Variants in TYK2 observed in about 807,000 individuals in gnomAD.
TYK2 encodes non-receptor tyrosine-protein kinase TYK2.
TYK2 carries 65 observed loss-of-function variants against 130.9 expected under a neutral mutation model. That is an observed-to-expected ratio of 0.50 (90% CI 0.41 to 0.61). The LOEUF is 0.61. Among genes scored for constraint, TYK2 ranks in the 20% least tolerant of loss-of-function variants. The pLI is 0.00. For synonymous variants in TYK2, 647 were observed against 658.9 expected (o/e 0.98, Z 0.28); for missense variants, 1,378 against 1,610.7 (o/e 0.86, Z 2.47).
At position 10,365,538 on chromosome 19, in the gene TYK2, C is replaced by T. The variant is rs773108379; in HGVS notation, c.990G>A (p.Glu330=). 2.5e-6 allele frequency: 4 copies of T among 1,613,970 alleles called. No individual in the cohort carries two copies. In the African/African-American group the frequency reaches 5.3e-5, roughly 22 times the overall value. Residue 330 remains glutamate, a synonymous_variant, in exon 7 of 25, where the codon GAG becomes GAA. Coordinates refer to ENST00000525621, the MANE Select transcript of TYK2 (RefSeq NM_003331.5). ...GTGGIQWWPV[E]EEVNKEEGSS... ...TCACCTCCTCCTTGTTCACCTCCTC[C>T]TCTACTGGCCACCACTGGATGCCAC...
chr19:10,352,573 G>C, intron 22 of TYK2, 22 bp from the exon 23 acceptor site: 1 of 1,172,586 alleles, frequency 8.5e-7, no homozygotes, highest in Non-Finnish European at 1.2e-6. Flanking sequence ...GGGGCACTCA[G>C]GCCACGGGGG....
intron 14 of TYK2, among the ~76,000 whole-genome samples, chr19:10,360,801 G>A (rs1428344233): frequency 6.6e-6 from 1 of 152,008 alleles, no homozygotes; most frequent in African/African-American, 2.4e-5. Flanking sequence ...CGCCCAGGCT[G>A]GAGTGCAGTG....
Position 10,363,187 on chromosome 19 carries a change from CTTTTTTTTTT to C in TYK2, c.1368-540_1368-531del, listed in dbSNP as rs942594471. ...CACTGTGCCCGGCTACCTGATCTCT[CTTTTTTTTTT>C]TTTTTTTTTTGAGACAGGGTCTTGC... On this transcript the variant is annotated intron_variant, in intron 9 of 24. Transcript: ENST00000525621. Among the ~76,000 whole-genome samples, 35 of 127,690 alleles carry C rather than the reference CTTTTTTTTTT, an allele frequency of 2.7e-4. No individual in the cohort carries two copies. In the South Asian group the frequency reaches 6.8e-3, roughly 25 times the overall value. 83.8% of individuals were successfully genotyped at this position (127,690 alleles called of 152,430 possible).
Position 10,353,013 on chromosome 19 carries a change from T to C in TYK2, c.3113A>G (p.Lys1038Arg). The change falls in exon 22 of 25, where the codon AAG (lysine) becomes AGG (arginine). Residue 1038 changes from lysine to arginine, a missense_variant. By Grantham distance (26) the Lys-to-Arg change is conservative. Coordinates refer to ENST00000525621, the MANE Select transcript of TYK2 (RefSeq NM_003331.5). The surrounding 1 kb of genome is among the most constrained non-coding windows in gnomAD (Gnocchi z 6.9). The stretch of plus-strand genomic sequence containing the variant: ...CTTGGCTAGGCCAAAGTCCCCGATC[T>C]TGACCAGCCTGTCGTTGTCCAGCAG... ...NVLLDNDRLV[K>R]IGDFGLAKAV... 2 of 1,604,164 alleles carry C rather than the reference T, an allele frequency of 1.2e-6. No homozygotes were observed. The highest frequency in any genetic ancestry group is 1.7e-6 in the Non-Finnish European group (2 of 1,174,996).
rs527463093 is a variant in TYK2, at chr19:10,353,919, C to T, written c.2908+123G>A. On this transcript the variant is annotated intron_variant, in intron 20 of 24. Coordinates refer to ENST00000525621, the MANE Select transcript of TYK2 (RefSeq NM_003331.5). This position sits in a 1 kb window ranked among gnomAD's most constrained non-coding sequence, Gnocchi z 6.9. ...ACGCTCACCCAGATGCCAAGAACCG[C>T]GTACTGCAGCCTGGGGTTGAGAGTC... 1.4e-5 allele frequency: 15 copies of T among 1,081,048 alleles called. No individual in the cohort carries two copies. The highest frequency in any genetic ancestry group is 1.2e-4 in the African/African-American group (8 of 64,182). 67.0% of individuals were successfully genotyped at this position (1,081,048 alleles called of 1,614,324 possible). A position where few individuals can be genotyped will look rare whatever the true frequency, so the allele number is the denominator to read the frequency against.
intron 18 of TYK2, 40 bp from the exon 19 acceptor site, chr19:10,354,649 T>C (rs768937753): frequency 1.3e-6 from 2 of 1,550,264 alleles, no homozygotes. Context: ...ACCCCGATCC[T>C]TTCCCCAGCA....
Position 10,362,368 on chromosome 19 carries a change from G to A in TYK2, c.1565C>T (p.Ser522Phe). ...GAFVLEGWGR[S>F]FPSVRELGAA... ...CCCAAGTTCCCGAACGCTGGGGAAG[G>A]ACCGGCCCCAGCCCTCCAGCACGAA... is the stretch of plus-strand genomic sequence containing the variant. Residue 522 changes from serine to phenylalanine, a missense_variant, in exon 11 of 25, where the codon TCC becomes TTC. By Grantham distance (155) the Ser-to-Phe change is radical (BLOSUM62 -2). Coordinates refer to ENST00000525621, the MANE Select transcript of TYK2 (RefSeq NM_003331.5). 6.2e-7 allele frequency: 1 copy of A among 1,614,094 alleles called. No individual in the cohort carries two copies.
At position 10,357,748 on chromosome 19, in the gene TYK2, G is replaced by T; in HGVS notation, c.2466+16C>A. On this transcript the variant is annotated intron_variant, in intron 17 of 24. Coordinates refer to ENST00000525621, the MANE Select transcript of TYK2 (RefSeq NM_003331.5). Reference sequence around the variant, plus strand: ...GCCCCCACTGCGGGGAGGGCCCAAGGGTCTCCTAGACATACCTCGGAGGGA... The same window carrying T: ...GCCCCCACTGCGGGGAGGGCCCAAGTGTCTCCTAGACATACCTCGGAGGGA... 6.3e-7 allele frequency: 1 copy of T among 1,595,976 alleles called. No homozygotes were observed. Among genetic ancestry groups the T allele is most frequent in the Non-Finnish European group, 8.5e-7 (1 of 1,171,566 alleles).
At chr19:10,366,707 A>C in intron 5 of TYK2, 127 bp from the exon 6 acceptor site, 1 of 888,604 alleles carries the variant, frequency 1.1e-6, no homozygotes, top group Non-Finnish European at 1.8e-6. Flanking sequence ...CATAAAATAC[A>C]CTAACACTAA....
chr19:10,361,352 G>A lies in TYK2; in HGVS notation c.2047+159C>T, dbSNP rs912312935. On this transcript the variant is annotated intron_variant, in intron 14 of 24. Transcript: ENST00000525621. The surrounding 1 kb of genome is among the most constrained non-coding windows in gnomAD (Gnocchi z 4.0). Reference sequence around the variant, plus strand: ...AATATCGTTAGGGGTTGGGGTCTAGGTTGAAGGTCAAGGTGTAGCCCGGGA... The same window carrying A: ...AATATCGTTAGGGGTTGGGGTCTAGATTGAAGGTCAAGGTGTAGCCCGGGA... 19 of 742,302 alleles carry A rather than the reference G, an allele frequency of 2.6e-5. No homozygotes were observed. The East Asian group carries it at 4.9e-4, about 19-fold the overall frequency. 46.0% of individuals were successfully genotyped at this position (742,302 alleles called of 1,614,324 possible).
intron 3 of TYK2, among the ~76,000 whole-genome samples, chr19:10,374,252 C>T (rs1395815792): frequency 2.0e-5 from 3 of 151,004 alleles, no homozygotes; most frequent in African/African-American, 4.9e-5. Context: ...GGCGACAGAG[C>T]GAGACTCTGT....
At chr19:10,374,844 T>C (rs1456218242) in intron 3 of TYK2, among the ~76,000 whole-genome samples, 2 of 151,256 alleles carry the variant, frequency 1.3e-5, no homozygotes, top group Admixed American at 6.6e-5. Context: ...GATTGTGCCA[T>C]TGCACTCCAG....
chr19:10,358,253 GTTTC>G, intron 15 of TYK2, 115 bp from the exon 16 acceptor site: 3 of 971,156 alleles, frequency 3.1e-6, no homozygotes, highest in South Asian at 2.1e-5. Context: ...CTATCACTGG[GTTTC>G]TTTCTGTTTT....
In TYK2 at chr19:10,378,391, A is replaced by T. The variant is rs533026972; in HGVS notation, c.16T>A (p.Trp6Arg). 1 of 1,611,030 alleles carries T rather than the reference A, an allele frequency of 6.2e-7. No individual in the cohort carries two copies. The highest frequency in any genetic ancestry group is 1.7e-5 in the Admixed American group (1 of 59,984). Residue 6 changes from tryptophan to arginine, a missense_variant, in exon 3 of 25, where the codon TGG (tryptophan) becomes AGG (arginine). By Grantham distance (101) the Trp-to-Arg change is moderately radical. Coordinates refer to ENST00000525621, the MANE Select transcript of TYK2 (RefSeq NM_003331.5). MPLRHWGMARGSKPVG... is the reference protein window; with the variant it reads MPLRHRGMARGSKPVG... The stretch of plus-strand genomic sequence containing the variant: ...GGCTTACTGCCCCTGGCCATCCCCC[A>T]GTGGCGCAGAGGCATGCTCCCGGCA...
At position 10,354,243 on chromosome 19, in the gene TYK2, G is replaced by T; in HGVS notation, c.2716-9C>A. 1 of 1,610,118 alleles carries T rather than the reference G, an allele frequency of 6.2e-7. No individual in the cohort carries two copies. Reference sequence around the variant, plus strand: ...ACCTTGCCGAAGTGACCCTGGTCGGGAGCGCACGAGGGTCAGCTCCACCTC... The same window carrying T: ...ACCTTGCCGAAGTGACCCTGGTCGGTAGCGCACGAGGGTCAGCTCCACCTC... On this transcript the variant is annotated splice_polypyrimidine_tract_variant and intron_variant, in intron 19 of 24. Transcript: ENST00000525621.
chr19:10,352,293 C>A (rs1272375625), intron 23 of TYK2, 141 bp downstream of exon 23: 2 of 698,438 alleles, frequency 2.9e-6, no homozygotes, highest in Non-Finnish European at 5.2e-6. Context: ...AGGTTGGTCT[C>A]GATCTCCTGA....
In TYK2 at chr19:10,353,869, C is replaced by A. The variant is rs1331396377; in HGVS notation, c.2908+173G>T. 6.4e-6 allele frequency: 5 copies of A among 775,400 alleles called. No individual in the cohort carries two copies. Among genetic ancestry groups the A allele is most frequent in the East Asian group, 2.7e-5 (1 of 37,272 alleles). 48.0% of individuals were successfully genotyped at this position (775,400 alleles called of 1,614,324 possible). On this transcript the variant is annotated intron_variant, in intron 20 of 24. Coordinates refer to ENST00000525621, the MANE Select transcript of TYK2 (RefSeq NM_003331.5). This position sits in a 1 kb window ranked among gnomAD's most constrained non-coding sequence, Gnocchi z 6.9. The stretch of plus-strand genomic sequence containing the variant: ...CCTGGCCCCAGCAGGTAGCACCCCC[C>A]AGATGGGAAGGAGGCAGCCCAGCCA...
chr19:10,368,561 G>T, intron 3 of TYK2, 143 bp from the exon 4 acceptor site: 1 of 1,222,614 alleles, frequency 8.2e-7, no homozygotes, highest in Middle Eastern at 2.6e-4. Flanking sequence ...TTGCCCCTGG[G>T]CAGAGGACAG....
intron 18 of TYK2, among the ~76,000 whole-genome samples, chr19:10,355,121 T>C (rs1423687448): frequency 6.6e-6 from 1 of 151,434 alleles, no homozygotes; most frequent in African/African-American, 2.4e-5. Context: ...GGCACAGATA[T>C]TTCATAGAGA....
Sources: gnomAD v4.1 joint callset for allele counts (sites outside exome capture counted in the v4.1 genomes callset) on GRCh38, gnomAD v4.1.1 for gene constraint, Gnocchi (gnomAD v3.1) non-coding constraint, MANE v1.5 for transcripts, NCBI Gene and HGNC (gene_info 2026-07-23, HGNC 2026-07-21) for gene names.